Variants in ROBO2 observed in about 807,000 individuals in gnomAD.
ROBO2 encodes roundabout homolog 2.
A neutral mutation model predicts 160.8 loss-of-function variants in ROBO2; 53 were observed. That is an observed-to-expected ratio of 0.33 (90% CI 0.26 to 0.41). The LOEUF (loss-of-function observed/expected upper bound fraction) is 0.41. ROBO2 is among the 10% of genes least tolerant of loss of function. The pLI is 1.00. For synonymous variants in ROBO2, 664 were observed against 611.7 expected (o/e 1.09, Z -1.26); for missense variants, 1,577 against 1,722.4 (o/e 0.92, Z 1.49).
chr3:76,948,874 T>TTATATATATATATATATATA (rs71104642), intron 2 of ROBO2, among the ~76,000 whole-genome samples: 7 of 48,608 alleles, frequency 1.4e-4, no homozygotes, highest in African/African-American at 7.5e-4. Flanking sequence ...CCGGCTAATT[T>TTATATATATATATATATATA]TATATATATA....
At chr3:76,800,444 C>T (rs748505539) in intron 2 of ROBO2, among the ~76,000 whole-genome samples, 11 of 151,778 alleles carry the variant, frequency 7.2e-5, no homozygotes, top group South Asian at 4.2e-4. Context: ...ACCCAGAGAA[C>T]GGAAGAAAAT....
At chr3:76,835,572 T>C (rs1053566837) in intron 2 of ROBO2, among the ~76,000 whole-genome samples, 1 of 151,574 alleles carries the variant, frequency 6.6e-6, no homozygotes, top group Non-Finnish European at 1.5e-5. Flanking sequence ...TTGATACATA[T>C]GTTAAGTTTG....
At chr3:77,479,251 C>A (rs896500565) in intron 3 of ROBO2, among the ~76,000 whole-genome samples, 1 of 152,120 alleles carries the variant, frequency 6.6e-6, no homozygotes, top group African/African-American at 2.4e-5. Context: ...AGATAACAAC[C>A]CCAAGAAGAA....
intron 2 of ROBO2, among the ~76,000 whole-genome samples, chr3:75,953,549 T>A (rs1948623645): frequency 6.6e-6 from 1 of 151,966 alleles, no homozygotes; most frequent in Admixed American, 6.6e-5. Context: ...ACAGTTTGAA[T>A]AACAAAAGTC....
chr3:76,502,998 A>G (rs970163479), intron 2 of ROBO2, among the ~76,000 whole-genome samples: 6 of 125,744 alleles, frequency 4.8e-5, no homozygotes, highest in South Asian at 2.6e-4. Flanking sequence ...ATATATATAT[A>G]TATGTGTGTG....
chr3:75,907,159 A>T (rs929414354), intron 1 of ROBO2, among the ~76,000 whole-genome samples: 1 of 152,044 alleles, frequency 6.6e-6, no homozygotes, highest in African/African-American at 2.4e-5. Flanking sequence ...GGGCATTCGG[A>T]TGGAATTAGC....
chr3:76,899,652 G>T (rs2075079439), intron 2 of ROBO2, among the ~76,000 whole-genome samples: 1 of 151,910 alleles, frequency 6.6e-6, no homozygotes, highest in Non-Finnish European at 1.5e-5. Flanking sequence ...AACATTTATT[G>T]AATACCTCTT....
chr3:77,307,391 G>C (rs755228606), intron 2 of ROBO2, among the ~76,000 whole-genome samples: 1 of 152,050 alleles, frequency 6.6e-6, no homozygotes, highest in Non-Finnish European at 1.5e-5. Context: ...CTTGGCTAAG[G>C]GATTGCAAAC....
intron 2 of ROBO2, among the ~76,000 whole-genome samples, chr3:76,931,960 C>T (rs1432798501): frequency 1.1e-4 from 16 of 152,090 alleles, no homozygotes; most frequent in Admixed American, 9.8e-4. Context: ...GGATTACAGG[C>T]GTGAGCCACC....
At chr3:76,761,441 TC>T (rs2061303169) in intron 2 of ROBO2, among the ~76,000 whole-genome samples, 1 of 151,730 alleles carries the variant, frequency 6.6e-6, no homozygotes, top group African/African-American at 2.4e-5. Context: ...TTATTCCTTT[TC>T]AGCCTCAAAA....
At chr3:76,899,612 A>C (rs2148866278) in intron 2 of ROBO2, among the ~76,000 whole-genome samples, 1 of 152,264 alleles carries the variant, frequency 6.6e-6, no homozygotes, top group East Asian at 1.9e-4. Context: ...TCTATTTAAC[A>C]AAGACGTGCT....
chr3:77,280,397 C>T (rs2060166579), intron 2 of ROBO2, among the ~76,000 whole-genome samples: 1 of 152,072 alleles, frequency 6.6e-6, no homozygotes, highest in South Asian at 2.1e-4. Context: ...CTTTGCCTTT[C>T]TAGATAGAGA....
chr3:77,628,880 C>A (rs2095095499), intron 23 of ROBO2, among the ~76,000 whole-genome samples: 1 of 152,176 alleles, frequency 6.6e-6, no homozygotes, highest in Non-Finnish European at 1.5e-5. Flanking sequence ...TCTGTGGTCA[C>A]ATATCTTTAA....
chr3:76,118,309 G>T (rs1238434044), intron 2 of ROBO2, among the ~76,000 whole-genome samples: 1 of 152,144 alleles, frequency 6.6e-6, no homozygotes, highest in Non-Finnish European at 1.5e-5. Flanking sequence ...TTGGAGCACT[G>T]CTCAGCAAAC....
chr3:77,554,891 A>G (rs1193152948), intron 8 of ROBO2, among the ~76,000 whole-genome samples: 1 of 152,034 alleles, frequency 6.6e-6, no homozygotes, highest in African/African-American at 2.4e-5. Context: ...GATTGTCTCC[A>G]AATTTGAAAG....
intron 2 of ROBO2, among the ~76,000 whole-genome samples, chr3:77,403,848 G>C (rs898063770): frequency 6.6e-6 from 1 of 151,932 alleles, no homozygotes; most frequent in Non-Finnish European, 1.5e-5. Flanking sequence ...AAAAAGTGGA[G>C]TTTGAATCAG....
intron 2 of ROBO2, among the ~76,000 whole-genome samples, chr3:76,587,238 T>C (rs1362775502): frequency 6.6e-6 from 1 of 152,200 alleles, no homozygotes; most frequent in Admixed American, 6.5e-5. Context: ...CTCCACTTAA[T>C]GTGAGTTTCA....
chr3:76,192,975 A>G (rs754113052), intron 2 of ROBO2, among the ~76,000 whole-genome samples: 3 of 152,150 alleles, frequency 2.0e-5, no homozygotes. Flanking sequence ...AATAATAAAT[A>G]TGGTAAATAA....
chr3:75,923,525 A>G (rs1947152892), intron 1 of ROBO2, among the ~76,000 whole-genome samples: 2 of 152,322 alleles, frequency 1.3e-5, no homozygotes, highest in East Asian at 1.9e-4. Context: ...ACTGCATACT[A>G]AGGTGGCAAG....
Sources: gnomAD v4.1 joint callset for allele counts (sites outside exome capture counted in the v4.1 genomes callset) on GRCh38, gnomAD v4.1.1 for gene constraint, MANE v1.5 for transcripts, NCBI Gene and HGNC (gene_info 2026-07-23, HGNC 2026-07-21) for gene names.